The following PTPRJ variants were observed in gnomAD, a reference collection of about 807,000 sequenced individuals.
PTPRJ encodes protein tyrosine phosphatase receptor type J, also known as receptor-type tyrosine-protein phosphatase eta.
A neutral mutation model predicts 141.3 loss-of-function variants in PTPRJ; 129 were observed. The ratio of observed to expected loss-of-function variants is 0.91; its 90% CI spans 0.79 to 1.06. The LOEUF is 1.06. PTPRJ is among the 50% of genes least tolerant of loss of function. PTPRJ has a pLI of 0.00. For synonymous variants in PTPRJ, 610 were observed against 640.5 expected, an observed-to-expected ratio of 0.95 and a Z score of 0.72; for missense variants, 1,601 against 1,679.7, an observed-to-expected ratio of 0.95 and a Z score of 0.82.
chr11:48,092,020 G>A (rs780089324), intron 1 of PTPRJ, among the ~76,000 whole-genome samples: 57 of 151,724 alleles, frequency 3.8e-4, no homozygotes, highest in Non-Finnish European at 5.0e-4. Context: ...AGGTGGCTGG[G>A]TGCGGTGGCT....
intron 18 of PTPRJ, among the ~76,000 whole-genome samples, chr11:48,150,821 C>T (rs1857463562): frequency 6.6e-6 from 1 of 152,188 alleles, no homozygotes; most frequent in Non-Finnish European, 1.5e-5. Context: ...TCCTGTGCTG[C>T]CCTGTCCAGC....
chr11:48,126,151 C>T (rs1856823424), intron 6 of PTPRJ, among the ~76,000 whole-genome samples: 1 of 152,148 alleles, frequency 6.6e-6, no homozygotes, highest in African/African-American at 2.4e-5. Context: ...CTGCGTCAAG[C>T]CATGCACCCA....
chr11:48,098,328 T>A (rs141458291), intron 1 of PTPRJ, among the ~76,000 whole-genome samples: 1 of 152,218 alleles, frequency 6.6e-6, no homozygotes, highest in Non-Finnish European at 1.5e-5. Context: ...CAGTTTCTAC[T>A]GTAACTAGCG....
intron 1 of PTPRJ, among the ~76,000 whole-genome samples, chr11:48,106,878 C>T (rs933124998): frequency 9.9e-5 from 15 of 151,174 alleles, no homozygotes; most frequent in South Asian, 4.2e-4. Flanking sequence ...AAGCAATTCT[C>T]CTGCCTCAGC....
At chr11:48,088,265 G>A (rs1855768534) in intron 1 of PTPRJ, among the ~76,000 whole-genome samples, 1 of 152,142 alleles carries the variant, frequency 6.6e-6, no homozygotes, top group African/African-American at 2.4e-5. Flanking sequence ...TAGAGCACTG[G>A]GAGGCTGCCT....
At chr11:48,052,458 C>A (rs1171006890) in intron 1 of PTPRJ, among the ~76,000 whole-genome samples, 1 of 152,188 alleles carries the variant, frequency 6.6e-6, no homozygotes, top group African/African-American at 2.4e-5. Context: ...GGAATGCAGG[C>A]CCTCAACATT....
chr11:48,139,693 C>T lies in PTPRJ; in HGVS notation c.2360C>T (p.Thr787Ile), dbSNP rs1857189009. ...RTEVTYLNFSTSYNISITTVS... is the reference protein window; with the variant it reads ...RTEVTYLNFSISYNISITTVS... ...GAAGTCACGTATTTGAATTTTTCTA[C>T]CTCGTACAACATCAGCATCACCACT... The change falls in exon 11 of 25, where the codon ACC becomes ATC. Residue 787 changes from threonine (T) to isoleucine (I), a missense_variant. Physicochemically the swap from Thr to Ile is moderately conservative, Grantham distance 89. Coordinates refer to ENST00000418331, the MANE Select transcript of PTPRJ (RefSeq NM_002843.4). 6.2e-7 allele frequency: 1 copy of T among 1,614,000 alleles called. No homozygotes were observed. Among genetic ancestry groups the T allele is most frequent in the African/African-American group, 1.3e-5 (1 of 74,894 alleles).
chr11:47,983,987 C>T (rs986380928), intron 1 of PTPRJ, among the ~76,000 whole-genome samples: 1 of 152,232 alleles, frequency 6.6e-6, no homozygotes, highest in Non-Finnish European at 1.5e-5. Context: ...TTTGACTCCT[C>T]TTTAAACTGC....
At chr11:48,117,099 A>C (rs186935251) in intron 3 of PTPRJ, among the ~76,000 whole-genome samples, 9 of 152,234 alleles carry the variant, frequency 5.9e-5, no homozygotes, top group Admixed American at 1.3e-4. Context: ...AATGCCCCTG[A>C]ACAATCAATG....
At chr11:48,126,775 A>AACACACACACACACACAC (rs10599361) in intron 6 of PTPRJ, among the ~76,000 whole-genome samples, 1 of 137,146 alleles carries the variant, frequency 7.3e-6, no homozygotes, top group African/African-American at 2.8e-5. Context: ...AGTCTGTTGC[A>AACACACACACACACACAC]ACACACACAC....
At chr11:48,132,491 G>C in intron 8 of PTPRJ, 1 of 983,702 alleles carries the variant, frequency 1.0e-6, no homozygotes, top group South Asian at 4.7e-5. Context: ...TGAAATAATT[G>C]TTTTTTGGAA....
chr11:48,142,779 TG>T, intron 11 of PTPRJ, 139 bp from the exon 12 acceptor site: 1 of 1,062,792 alleles, frequency 9.4e-7, no homozygotes. Flanking sequence ...CTTTTGCTTC[TG>T]GATTTGCTGT....
intron 1 of PTPRJ, among the ~76,000 whole-genome samples, chr11:48,084,421 T>C (rs1855642415): frequency 6.6e-6 from 1 of 152,138 alleles, no homozygotes; most frequent in South Asian, 2.1e-4. Flanking sequence ...TGACCTCAAG[T>C]GATCTACCCG....
At position 48,157,636 on chromosome 11, in the gene PTPRJ, A is replaced by G. The variant is rs111415311; in HGVS notation, c.3438+1517A>G. On this transcript the variant is annotated intron_variant, in intron 21 of 24. Transcript: ENST00000418331. ...GGATAGTGGGAGCCCTTCAGGCATCATTTCTTTTATTGTTCTTTAATTCAT... is the reference window on the plus strand; with the variant it reads ...GGATAGTGGGAGCCCTTCAGGCATCGTTTCTTTTATTGTTCTTTAATTCAT... 8.8e-3 allele frequency among the ~76,000 whole-genome samples: 1,344 copies of G among 152,282 alleles called. 35 individuals carry two copies. The highest frequency in any genetic ancestry group is 0.031 in the African/African-American group (1,280 of 41,562).
intron 6 of PTPRJ, among the ~76,000 whole-genome samples, chr11:48,126,831 C>G (rs1162393019): frequency 5.4e-5 from 8 of 149,198 alleles, no homozygotes; most frequent in Non-Finnish European, 8.9e-5. Context: ...GATAAACACA[C>G]ATTTCCACCC....
At chr11:48,058,420 A>T (rs962178115) in intron 1 of PTPRJ, among the ~76,000 whole-genome samples, 3 of 151,868 alleles carry the variant, frequency 2.0e-5, no homozygotes, top group Non-Finnish European at 2.9e-5. Flanking sequence ...TATGTTGCCC[A>T]GGTTGGTCTT....
intron 1 of PTPRJ, among the ~76,000 whole-genome samples, chr11:48,030,412 C>T (rs1172085223): frequency 6.6e-6 from 1 of 152,210 alleles, no homozygotes; most frequent in Non-Finnish European, 1.5e-5. Flanking sequence ...TAGGTCACCT[C>T]ACAGTCCATG....
chr11:48,071,796 G>GT (rs1213460331), intron 1 of PTPRJ, among the ~76,000 whole-genome samples: 2 of 150,704 alleles, frequency 1.3e-5, no homozygotes, highest in African/African-American at 4.9e-5. Flanking sequence ...TAGAGACGGG[G>GT]TTTCACCATG....
At chr11:48,048,941 C>G (rs1854480062) in intron 1 of PTPRJ, among the ~76,000 whole-genome samples, 1 of 152,216 alleles carries the variant, frequency 6.6e-6, no homozygotes, top group South Asian at 2.1e-4. Context: ...AAAAGTCAGT[C>G]ACTGTCCAGG....
Sources: allele counts gnomAD v4.1 joint callset (sites outside exome capture counted in the v4.1 genomes callset), GRCh38; gene constraint gnomAD v4.1.1; transcripts MANE v1.5; gene names NCBI Gene and HGNC (gene_info 2026-07-23, HGNC 2026-07-21).